Variants in PTPRD observed in about 807,000 individuals in gnomAD.
PTPRD encodes receptor-type tyrosine-protein phosphatase delta.
A neutral mutation model predicts 214.5 loss-of-function variants in PTPRD; 34 were observed. That is an observed-to-expected ratio of 0.16 (90% confidence interval 0.12 to 0.21). The LOEUF (loss-of-function observed/expected upper bound fraction) is 0.21. Among genes scored for constraint, PTPRD ranks in the 10% least tolerant of loss-of-function variants. PTPRD has a pLI of 1.00. For synonymous variants in PTPRD, 1,128 were observed against 845.7 expected, an observed-to-expected ratio of 1.33 and a Z score of -5.79; for missense variants, 2,545 against 2,398.7, an observed-to-expected ratio of 1.06 and a Z score of -1.27.
At chr9:10,489,202 C>G (rs915947222) in intron 2 of PTPRD, among the ~76,000 whole-genome samples, 3 of 152,112 alleles carry the variant, frequency 2.0e-5, no homozygotes, top group Non-Finnish European at 2.9e-5. Flanking sequence ...GGGTCATTGC[C>G]TTCAAGGCAT....
At chr9:9,240,516 C>T (rs779938443) in intron 9 of PTPRD, among the ~76,000 whole-genome samples, 3 of 152,052 alleles carry the variant, frequency 2.0e-5, no homozygotes, top group Non-Finnish European at 4.4e-5. Flanking sequence ...ACTAGAAATA[C>T]AAAAATTAGC....
intron 2 of PTPRD, among the ~76,000 whole-genome samples, chr9:10,359,252 T>A (rs1466708583): frequency 6.6e-6 from 1 of 152,030 alleles, no homozygotes; most frequent in African/African-American, 2.4e-5. Flanking sequence ...ATGGTGTATG[T>A]ATGTGTGCAT....
At position 10,126,082 on chromosome 9, in the gene PTPRD, T is replaced by C. The variant is rs552083229; in HGVS notation, c.-544-92292A>G. On this transcript the variant is annotated intron_variant, in intron 3 of 45. Coordinates refer to ENST00000381196, the MANE Select transcript of PTPRD (RefSeq NM_002839.4). ...CAAGCAATATACGGAAGTTGTATTT[T>C]CTTTAGCATTTGGCATGTATCCAAA... Among the ~76,000 whole-genome samples, 11 of 152,298 alleles carry C rather than the reference T, an allele frequency of 7.2e-5. No homozygotes were observed. The South Asian group carries it at 1.5e-3, about 20-fold the overall frequency.
At chr9:9,325,956 G>GT (rs1394342943) in intron 9 of PTPRD, among the ~76,000 whole-genome samples, 1 of 152,088 alleles carries the variant, frequency 6.6e-6, no homozygotes, top group Non-Finnish European at 1.5e-5. Flanking sequence ...ATAATCATGT[G>GT]TTTTTTGTCT....
chr9:8,445,307 T>A (rs72692913), intron 34 of PTPRD, among the ~76,000 whole-genome samples: 4,949 of 152,254 alleles, frequency 0.033, 133 homozygotes, highest in East Asian at 0.12. Flanking sequence ...AGGTAGCTCA[T>A]GTTGTCTCAA....
intron 3 of PTPRD, among the ~76,000 whole-genome samples, chr9:10,142,433 A>C (rs1248312104): frequency 1.3e-5 from 2 of 152,056 alleles, no homozygotes. Context: ...TACGAGAAAA[A>C]AACAAACAAC....
chr9:8,551,422 T>C (rs1158693713), intron 14 of PTPRD, among the ~76,000 whole-genome samples: 1 of 152,178 alleles, frequency 6.6e-6, no homozygotes, highest in Non-Finnish European at 1.5e-5. Flanking sequence ...AAAACCCTTA[T>C]TATTATAGAT....
intron 9 of PTPRD, among the ~76,000 whole-genome samples, chr9:9,363,111 CTTTT>C (rs3048061): frequency 1.5e-4 from 19 of 129,822 alleles, no homozygotes; most frequent in South Asian, 2.5e-4. Context: ...CTATTTTGTG[CTTTT>C]TTTTTTTTTT....
chr9:9,860,495 T>A (rs1016274262), intron 5 of PTPRD, among the ~76,000 whole-genome samples: 2 of 152,214 alleles, frequency 1.3e-5, no homozygotes, highest in Non-Finnish European at 2.9e-5. Context: ...GATAAAGATA[T>A]TGAGCAATAT....
intron 6 of PTPRD, among the ~76,000 whole-genome samples, chr9:9,762,511 A>G (rs2098667632): frequency 1.3e-5 from 2 of 152,198 alleles, no homozygotes; most frequent in South Asian, 2.1e-4. Context: ...ATAGCAATCA[A>G]GAGGGACTAA....
At chr9:9,081,567 G>A (rs1041379109) in intron 10 of PTPRD, among the ~76,000 whole-genome samples, 2 of 151,962 alleles carry the variant, frequency 1.3e-5, no homozygotes, top group South Asian at 2.1e-4. Context: ...TTTCTGTCTC[G>A]TTGATCTATC....
At chr9:10,422,117 G>A (rs989620892) in intron 2 of PTPRD, among the ~76,000 whole-genome samples, 2 of 151,902 alleles carry the variant, frequency 1.3e-5, no homozygotes, top group African/African-American at 4.8e-5. Flanking sequence ...ACAAGATATA[G>A]ACCAATGGAA....
rs780088083 is a variant in PTPRD at position 8,493,999 on chromosome 9, G to GACAC, written c.2350-1024_2350-1021dup. Among the ~76,000 whole-genome samples the GACAC allele has an allele frequency of 3.2e-3, 452 of 141,964 alleles. 1 individual carries two copies. Among genetic ancestry groups the GACAC allele is most frequent in the African/African-American group, 0.011 (419 of 38,692 alleles). The allele number at this position is 141,964 out of a possible 152,430, so 93.1% of individuals were successfully genotyped here. A position where few individuals can be genotyped will look rare whatever the true frequency, so the allele number is the denominator to read the frequency against. ...ATGCGCACACACACAGACACACACAGACACACAGACACACACACACACACA... is the reference window on the plus strand; with the variant it reads ...ATGCGCACACACACAGACACACACAGACACACACACAGACACACACACACACACA... On this transcript the variant is annotated intron_variant, in intron 26 of 45. Transcript: ENST00000381196.
intron 2 of PTPRD, among the ~76,000 whole-genome samples, chr9:10,482,507 C>T (rs956488655): frequency 7.7e-5 from 2 of 25,990 alleles, no homozygotes; most frequent in African/African-American, 1.8e-4. Context: ...ATGATATGAT[C>T]TTATCTTAGA....
chr9:10,312,568 T>C (rs201608180), intron 3 of PTPRD, among the ~76,000 whole-genome samples: 1 of 152,026 alleles, frequency 6.6e-6, no homozygotes, highest in East Asian at 1.9e-4. Flanking sequence ...TTTGCCTGCA[T>C]CCTTTACCTG....
Position 8,804,553 on chromosome 9 carries a change from C to A in PTPRD, c.-103-70607G>T, listed in dbSNP as rs1182093678. ...TCGAGGCTGCAGCAAGCTGTGATCACGCCAATGCACTGCAGTCCCGTGTGA... is the reference window on the plus strand; with the variant it reads ...TCGAGGCTGCAGCAAGCTGTGATCAAGCCAATGCACTGCAGTCCCGTGTGA... On this transcript the variant is annotated intron_variant, in intron 11 of 45. Transcript: ENST00000381196. Among the ~76,000 whole-genome samples the A allele has an allele frequency of 2.0e-5, 3 of 152,028 alleles. No individual in the cohort carries two copies. The East Asian group carries it at 5.8e-4, about 29-fold the overall frequency.
At chr9:10,087,532 C>A (rs2098364784) in intron 3 of PTPRD, among the ~76,000 whole-genome samples, 1 of 151,572 alleles carries the variant, frequency 6.6e-6, no homozygotes, top group African/African-American at 2.4e-5. Context: ...GCAAAGTGTT[C>A]TCAGGCAGAG....
In PTPRD at chr9:9,296,166, G is replaced by A. The variant is rs192175733; in HGVS notation, c.-203+101283C>T. On this transcript the variant is annotated intron_variant, in intron 9 of 45. Transcript: ENST00000381196. ...AGAATAAATTCTATGATTAACAAAA[G>A]GGCTATAAAATCTCTAGACTGCTGG... is the stretch of plus-strand genomic sequence containing the variant. Among the ~76,000 whole-genome samples the A allele has an allele frequency of 2.6e-5, 4 of 151,814 alleles. No individual in the cohort carries two copies. The East Asian group carries it at 7.8e-4, about 30-fold the overall frequency.
At chr9:10,562,274 A>G (rs980102106) in intron 2 of PTPRD, among the ~76,000 whole-genome samples, 1 of 151,778 alleles carries the variant, frequency 6.6e-6, no homozygotes, top group African/African-American at 2.4e-5. Flanking sequence ...GTGAGTATTC[A>G]GTTCTTCTTC....
Sources: allele counts gnomAD v4.1 joint callset (sites outside exome capture counted in the v4.1 genomes callset), GRCh38; gene constraint gnomAD v4.1.1; transcripts MANE v1.5; gene names NCBI Gene and HGNC (gene_info 2026-07-23, HGNC 2026-07-21).